The following NVL variants were observed in gnomAD, a reference collection of about 807,000 sequenced individuals.
The protein encoded by NVL is nuclear valosin-containing protein-like.
A neutral mutation model predicts 110.2 loss-of-function variants in NVL; 84 were observed. The observed-to-expected ratio is 0.76, with a 90% CI of 0.64 to 0.91. The LOEUF is 0.91. Ranked by LOEUF, NVL falls within the 40% of genes least tolerant of loss-of-function variation. The pLI, the probability that NVL is intolerant of heterozygous loss-of-function variation, is 0.00. For missense variants in NVL, 882 were observed against 1,035.9 expected (o/e 0.85, Z 2.04); for synonymous variants, 354 against 361.1 (o/e 0.98, Z 0.22).
At chr1:224,269,543 A>T (rs1664841506) in intron 17 of NVL, among the ~76,000 whole-genome samples, 1 of 152,214 alleles carries the variant, frequency 6.6e-6, no homozygotes, top group African/African-American at 2.4e-5. Context: ...CAGCTACCTC[A>T]GCAATATCTA....
chr1:224,317,933 GA>G lies in NVL; in HGVS notation c.132-4del. 1.9e-6 allele frequency: 3 copies of G among 1,578,102 alleles called. No homozygotes were observed. The highest frequency in any genetic ancestry group is 1.9e-5 in the Admixed American group (1 of 53,900). On this transcript the variant is annotated splice_polypyrimidine_tract_variant and splice_region_variant and intron_variant, in intron 2 of 22. Coordinates refer to ENST00000281701, the MANE Select transcript of NVL (RefSeq NM_002533.4). ...TTTTTCTTCGACCATAGTCTATACT[GA>G]AAAAAGAAAACAAGAAGTTTACCAT...
rs537722770 is a variant in NVL, at chr1:224,308,091, C to T, written c.515G>A (p.Gly172Glu). 2.7e-5 allele frequency: 43 copies of T among 1,612,050 alleles called. No homozygotes were observed. In the East Asian group the frequency reaches 4.7e-4, roughly 18 times the overall value. ...ACTTGGGGTTTTGTCAATAAACCAT[C>T]CTCCTTCAGAATCTTTGGCAGGGGT... ...LKTPAKDSEG[G>E]WFIDKTPSVK... Residue 172 changes from glycine to glutamate, a missense_variant, in exon 6 of 23, where the codon GGA becomes GAA. Coordinates refer to ENST00000281701, the MANE Select transcript of NVL (RefSeq NM_002533.4).
chr1:224,298,324 C>T (rs1043124483), intron 10 of NVL: 47 of 232,280 alleles, frequency 2.0e-4, no homozygotes, highest in Middle Eastern at 8.1e-4. Context: ...GAGTCTATAA[C>T]GTTATCCAGC....
chr1:224,229,245 G>A (rs1338791960), intron 22 of NVL, among the ~76,000 whole-genome samples: 1 of 151,668 alleles, frequency 6.6e-6, no homozygotes, highest in Non-Finnish European at 1.5e-5. Flanking sequence ...GTGGTGAGCT[G>A]CGATTGTGCC....
chr1:224,250,765 T>G (rs1662384289), intron 18 of NVL, among the ~76,000 whole-genome samples: 2 of 152,134 alleles, frequency 1.3e-5, no homozygotes, highest in South Asian at 4.1e-4. Context: ...TCTTATGCTT[T>G]GTGTCCTCAT....
intron 18 of NVL, among the ~76,000 whole-genome samples, chr1:224,254,045 A>T (rs926418187): frequency 1.3e-5 from 2 of 152,164 alleles, no homozygotes; most frequent in Non-Finnish European, 2.9e-5. Flanking sequence ...TGATTAAATA[A>T]TTTTGTAAAC....
chr1:224,275,608 T>C (rs190672341), intron 16 of NVL, 150 bp from the exon 17 acceptor site: 224 of 957,674 alleles, frequency 2.3e-4, no homozygotes, highest in Non-Finnish European at 2.9e-4. Context: ...TTGCTGATAT[T>C]TAACCATTTT....
At chr1:224,312,520 T>C (rs1439590030) in intron 4 of NVL, 6 of 152,198 alleles carry the variant, frequency 3.9e-5, no homozygotes, top group Admixed American at 3.3e-4. Flanking sequence ...TAATACTTCT[T>C]TGGAAATTAT....
At chr1:224,326,340 A>G in intron 2 of NVL, 51 bp downstream of exon 2, 1 of 1,348,764 alleles carries the variant, frequency 7.4e-7, no homozygotes, top group Admixed American at 2.0e-5. Context: ...AACTTTTAAA[A>G]TGGTAAAGGA....
chr1:224,263,521 A>G (rs1407732989), intron 18 of NVL, among the ~76,000 whole-genome samples: 2 of 152,206 alleles, frequency 1.3e-5, no homozygotes, highest in Non-Finnish European at 2.9e-5. Flanking sequence ...AGTGTCCCCT[A>G]TCTCAGAAGT....
At chr1:224,233,664 TGGGAG>T (rs1660152196) in intron 20 of NVL, among the ~76,000 whole-genome samples, 1 of 151,922 alleles carries the variant, frequency 6.6e-6, no homozygotes. Context: ...GAGGCTTAGG[TGGGAG>T]GATCACTTGA....
chr1:224,281,734 C>T (rs897831753), intron 15 of NVL, among the ~76,000 whole-genome samples: 3 of 151,170 alleles, frequency 2.0e-5, no homozygotes, highest in African/African-American at 7.3e-5. Context: ...GGGTGGATCA[C>T]CTGAGGTCAG....
chr1:224,311,739 G>A (rs1669544286), intron 5 of NVL, 61 bp downstream of exon 5: 8 of 1,270,352 alleles, frequency 6.3e-6, no homozygotes, highest in Non-Finnish European at 9.2e-6. Context: ...TTTTTCAAGG[G>A]AGGTACCATA....
intron 16 of NVL, among the ~76,000 whole-genome samples, chr1:224,279,415 C>T (rs6426100): frequency 0.84 from 128,254 of 152,128 alleles, 56,023 homozygotes; most frequent in Non-Finnish European, 0.94. Flanking sequence ...TTCCAGAGAC[C>T]CTGTCTCTCT....
chr1:224,269,014 A>G (rs902554328), intron 17 of NVL, among the ~76,000 whole-genome samples: 3 of 149,762 alleles, frequency 2.0e-5, no homozygotes, highest in African/African-American at 7.4e-5. Flanking sequence ...TCTAGATCTC[A>G]TTTTATTTTA....
At chr1:224,295,463 G>A (rs1424947444) in intron 11 of NVL, among the ~76,000 whole-genome samples, 1 of 152,034 alleles carries the variant, frequency 6.6e-6, no homozygotes, top group African/African-American at 2.4e-5. Context: ...GCCTCCCAAA[G>A]TGCTAAGATT....
At chr1:224,327,986 G>C (rs894357546) in intron 1 of NVL, among the ~76,000 whole-genome samples, 2 of 151,976 alleles carry the variant, frequency 1.3e-5, no homozygotes, top group Non-Finnish European at 2.9e-5. Context: ...AGAATATGCA[G>C]GGCTTTTCAG....
chr1:224,307,966 G>T, intron 6 of NVL, 25 bp downstream of exon 6: 2 of 1,507,926 alleles, frequency 1.3e-6, no homozygotes, highest in South Asian at 2.8e-5. Context: ...GATGATATGG[G>T]GCTAAAATTT....
chr1:224,310,290 A>G (rs2102732546), intron 5 of NVL, among the ~76,000 whole-genome samples: 1 of 152,250 alleles, frequency 6.6e-6, no homozygotes, highest in East Asian at 1.9e-4. Context: ...AAGAGGATGT[A>G]TATAACGTTA....
Sources: allele counts gnomAD v4.1 joint callset (sites outside exome capture counted in the v4.1 genomes callset), GRCh38; gene constraint gnomAD v4.1.1; transcripts MANE v1.5; gene names NCBI Gene and HGNC (gene_info 2026-07-23, HGNC 2026-07-21).